The following SRRD variants were observed in gnomAD, a reference collection of about 807,000 sequenced individuals.
SRRD encodes SRR1 domain containing, also known as SRR1-like protein.
In SRRD, 28 loss-of-function variants were observed where a neutral mutation model predicts 30.7. The ratio of observed to expected loss-of-function variants is 0.91; its 90% CI spans 0.68 to 1.25. The LOEUF is 1.25. SRRD is among the 50% of genes most tolerant of loss of function. SRRD has a pLI of 0.00. For synonymous variants in SRRD, 161 were observed against 159.6 expected, an observed-to-expected ratio of 1.01 and a Z score of -0.07; for missense variants, 415 against 417.3, an observed-to-expected ratio of 0.99 and a Z score of 0.05.
At position 26,486,038 on chromosome 22, in the gene SRRD, C is replaced by A. The variant is rs1321398375; in HGVS notation, c.225C>A (p.Ile75=). Residue 75 remains isoleucine, a synonymous_variant, in exon 2 of 7, where the codon ATC becomes ATA. Coordinates refer to ENST00000215917, the MANE Select transcript of SRRD (RefSeq NM_001013694.3). ...RIWEAEKDLF[I]SDFWSSALET... ...TTCTCAACAGGAAGGACCTGTTTAT[C>A]TCTGATTTCTGGAGTTCAGCACTAG... 2 of 1,614,008 alleles carry A rather than the reference C, an allele frequency of 1.2e-6. No individual in the cohort carries two copies. Among genetic ancestry groups the A allele is most frequent in the African/African-American group, 2.7e-5 (2 of 74,904 alleles).
chr22:26,492,122 T>C lies in SRRD; in HGVS notation c.*450T>C. On this transcript the variant is annotated 3_prime_UTR_variant, in exon 7 of 7. Transcript: ENST00000215917. ...GTAGATCACAATGCGGCCAAAGGTG[T>C]AGAGCTGCTTCCCTTCGTGTCGCTT... 1.2e-6 allele frequency: 2 copies of C among 1,614,194 alleles called. No individual in the cohort carries two copies. The highest frequency in any genetic ancestry group is 8.5e-7 in the Non-Finnish European group (1 of 1,180,022).
intron 2 of SRRD, among the ~76,000 whole-genome samples, chr22:26,486,678 T>A (rs544352966): frequency 6.6e-6 from 1 of 152,304 alleles, no homozygotes; most frequent in African/African-American, 2.4e-5. Flanking sequence ...ACAACCAGCC[T>A]TTTTAAGTTA....
rs1411608886 is a variant in SRRD, at chr22:26,488,444, GA to G, written c.567del (p.Val190SerfsTer7). ...CCCTCTGTTTAGCCAACTTGAAATT[GA>G]AGTCCTTAACACCCTTGGTGTGACT... ...YDPLFSQLEI[E>X]VLNTLGVTVL... On this transcript the variant is annotated frameshift_variant, in exon 4 of 7. Coordinates refer to ENST00000215917, the MANE Select transcript of SRRD (RefSeq NM_001013694.3). LOFTEE classifies it high-confidence loss of function. The G allele has an allele frequency of 6.8e-6, 11 of 1,614,022 alleles. No individual in the cohort carries two copies. The highest frequency in any genetic ancestry group is 8.5e-6 in the Non-Finnish European group (10 of 1,180,008).
At position 26,494,156 on chromosome 22, in the gene SRRD, G is replaced by A. The variant is rs190854539; in HGVS notation, c.*2484G>A. ...TCACTTACCAACGTTGGAGGACACC[G>A]CCCGGTTCATGATATCAAGTGCCTC... is the stretch of plus-strand genomic sequence containing the variant. On this transcript the variant is annotated 3_prime_UTR_variant, in exon 7 of 7. Transcript: ENST00000215917. The A allele has an allele frequency of 1.4e-5, 23 of 1,613,980 alleles. No individual in the cohort carries two copies. Among genetic ancestry groups the A allele is most frequent in the East Asian group, 4.5e-5 (2 of 44,898 alleles).
chr22:26,490,260 C>G (rs1268494147), intron 5 of SRRD, 62 bp downstream of exon 5: 2 of 1,570,164 alleles, frequency 1.3e-6, no homozygotes, highest in South Asian at 1.1e-5. Context: ...CTCAGATTGA[C>G]CCACATGCAG....
chr22:26,491,227 T>C, intron 6 of SRRD, 157 bp downstream of exon 6: 1 of 800,224 alleles, frequency 1.2e-6, no homozygotes, highest in Non-Finnish European at 2.0e-6. Flanking sequence ...GCTATGACTC[T>C]TTAATGCATC....
In SRRD at chr22:26,492,468, G is replaced by C. The variant is rs1921345240; in HGVS notation, c.*796G>C. The stretch of plus-strand genomic sequence containing the variant: ...AGGTCTTGGGTGTGCCAGAGTGCTT[G>C]TGACTCACTGAAGGGCAGCTCTGCC... On this transcript the variant is annotated 3_prime_UTR_variant, in exon 7 of 7. Transcript: ENST00000215917. 9.3e-7 allele frequency: 1 copy of C among 1,072,900 alleles called. No individual in the cohort carries two copies. Among genetic ancestry groups the C allele is most frequent in the Non-Finnish European group, 1.4e-6 (1 of 724,134 alleles). The allele number at this position is 1,072,900 out of a possible 1,614,324, so 66.5% of individuals were successfully genotyped here. A position where few individuals can be genotyped will look rare whatever the true frequency, so the allele number is the denominator to read the frequency against.
chr22:26,490,853 A>G, intron 5 of SRRD, 172 bp from the exon 6 acceptor site: 1 of 611,520 alleles, frequency 1.6e-6, no homozygotes, highest in Non-Finnish European at 2.8e-6. Context: ...CGCCTGGCCC[A>G]CATTTTCAAC....
intron 4 of SRRD, among the ~76,000 whole-genome samples, chr22:26,489,494 C>T (rs1244794446): frequency 6.6e-6 from 1 of 151,862 alleles, no homozygotes; most frequent in Non-Finnish European, 1.5e-5. Flanking sequence ...AAACCACTGC[C>T]AGTTTGTTAT....
At chr22:26,490,733 T>C (rs1361108404) in intron 5 of SRRD, 3 of 334,714 alleles carry the variant, frequency 9.0e-6, no homozygotes, top group Non-Finnish European at 1.7e-5. Context: ...CCGGCTGATT[T>C]TTTTATTTTT....
chr22:26,489,737 A>G (rs1602183417), intron 4 of SRRD, among the ~76,000 whole-genome samples: 1 of 152,138 alleles, frequency 6.6e-6, no homozygotes. Flanking sequence ...TAACATCACT[A>G]TCCCTCCTGT....
Position 26,492,357 on chromosome 22 carries a change from G to T in SRRD, c.*685G>T. On this transcript the variant is annotated 3_prime_UTR_variant, in exon 7 of 7. Coordinates refer to ENST00000215917, the MANE Select transcript of SRRD (RefSeq NM_001013694.3). Reference sequence around the variant, plus strand: ...GCAATGTTCTCCCGTGCTCCTGGCTGCATGTAGGCACCTAAGATACAGGAG... The same window carrying T: ...GCAATGTTCTCCCGTGCTCCTGGCTTCATGTAGGCACCTAAGATACAGGAG... 6.2e-7 allele frequency: 1 copy of T among 1,614,118 alleles called. No individual in the cohort carries two copies. The highest frequency in any genetic ancestry group is 8.5e-7 in the Non-Finnish European group (1 of 1,179,958).
chr22:26,488,612 T>C (rs1348898520), intron 4 of SRRD, 124 bp downstream of exon 4: 7 of 729,918 alleles, frequency 9.6e-6, no homozygotes, highest in Admixed American at 4.5e-5. Flanking sequence ...GCCTGCTCAC[T>C]TTTGTAGTGC....
At position 26,484,006 on chromosome 22, in the gene SRRD, CGGCGCCCCGGGGGAGAGAG is replaced by C; in HGVS notation, c.118_136del (p.Ala40ArgfsTer38). ...GAGGCGGCGCCCCGGGGGAGAGAGG[CGGCGCCCCGGGGGAGAGAG>C]GCGGCGCCCCGGGGCCCCGAGGCGG... On this transcript the variant is annotated frameshift_variant, in exon 1 of 7. Coordinates refer to ENST00000215917, the MANE Select transcript of SRRD (RefSeq NM_001013694.3). LOFTEE classifies it high-confidence loss of function. 7.4e-7 allele frequency: 1 copy of C among 1,350,100 alleles called. No homozygotes were observed. Among genetic ancestry groups the C allele is most frequent in the South Asian group, 1.7e-5 (1 of 57,648 alleles). 83.6% of individuals were successfully genotyped at this position (1,350,100 alleles called of 1,614,324 possible). A position where few individuals can be genotyped will look rare whatever the true frequency, so the allele number is the denominator to read the frequency against.
Position 26,494,142 on chromosome 22 carries a change from C to A in SRRD, c.*2470C>A. On this transcript the variant is annotated 3_prime_UTR_variant, in exon 7 of 7. Transcript: ENST00000215917. ...CAAAATGGGAATCCTCACTTACCAA[C>A]GTTGGAGGACACCGCCCGGTTCATG... 1.2e-6 allele frequency: 2 copies of A among 1,613,746 alleles called. No homozygotes were observed. Among genetic ancestry groups the A allele is most frequent in the Non-Finnish European group, 1.7e-6 (2 of 1,179,686 alleles).
chr22:26,488,574 T>C, intron 4 of SRRD, 86 bp downstream of exon 4: 2 of 1,015,268 alleles, frequency 2.0e-6, no homozygotes. Flanking sequence ...CCAGCATTCT[T>C]TGCAGTGGCA....
At chr22:26,489,619 G>A (rs992202510) in intron 4 of SRRD, among the ~76,000 whole-genome samples, 12 of 152,064 alleles carry the variant, frequency 7.9e-5, no homozygotes, top group African/African-American at 2.9e-4. Flanking sequence ...TTCTCAGGAG[G>A]GGTGATTGTG....
In SRRD at chr22:26,490,079, C is replaced by A. The variant is rs1372274661; in HGVS notation, c.645C>A (p.Ile215=). Residue 215 remains isoleucine (I), a synonymous_variant, in exon 5 of 7, where the codon ATC becomes ATA. Coordinates refer to ENST00000215917, the MANE Select transcript of SRRD (RefSeq NM_001013694.3). ...GGAGTATTCGCGGGGAGCCTACCAT[C>A]TTTTACATGCTCCATTGTGGGACGG... is the stretch of plus-strand genomic sequence containing the variant. ...GKRSIRGEPT[I]FYMLHCGTAL... is the part of the protein sequence containing the mutation. The A allele has an allele frequency of 6.2e-7, 1 of 1,614,076 alleles. No individual in the cohort carries two copies. The highest frequency in any genetic ancestry group is 1.1e-5 in the South Asian group (1 of 91,082).
Position 26,488,257 on chromosome 22 carries a change from C to G in SRRD, c.479C>G (p.Thr160Arg). 6.2e-7 allele frequency: 1 copy of G among 1,614,016 alleles called. No homozygotes were observed. The highest frequency in any genetic ancestry group is 8.5e-7 in the Non-Finnish European group (1 of 1,179,930). ...TGCATCGTAGCTAGAAACCAGCTAA[C>G]GTTTTTGCTGCTTTTGTTGGAAAAG... ...ATCIVARNQL[T>R]FLLLLLEKCQ... Residue 160 changes from threonine (T) to arginine (R), a missense_variant, in exon 3 of 7, where the codon ACG (threonine) becomes AGG (arginine). Physicochemically the swap from Thr to Arg is moderately conservative, Grantham distance 71. Transcript: ENST00000215917.
Sources: gnomAD v4.1 joint callset for allele counts (sites outside exome capture counted in the v4.1 genomes callset) on GRCh38, gnomAD v4.1.1 for gene constraint, MANE v1.5 for transcripts, NCBI Gene and HGNC (gene_info 2026-07-23, HGNC 2026-07-21) for gene names.